The following MYL2 variants were observed in gnomAD, a reference collection of about 807,000 sequenced individuals.
MYL2 encodes myosin regulatory light chain 2, ventricular/cardiac muscle isoform.
In MYL2, 19 loss-of-function variants were observed where a neutral mutation model predicts 23.0. The observed-to-expected ratio is 0.83, with a 90% confidence interval of 0.58 to 1.21. MYL2 has a LOEUF of 1.21. Ranked by LOEUF, MYL2 falls within the 50% of genes most tolerant of loss-of-function variation. The probability of loss-of-function intolerance (pLI) is 0.00; values close to 1 mark genes in which losing one functional copy is unlikely to be tolerated. For missense variants in MYL2, 180 were observed against 215.1 expected (o/e 0.84, Z 1.02); for synonymous variants, 78 against 76.2 (o/e 1.02, Z -0.13).
At chr12:110,914,396 A>G in intron 3 of MYL2, 106 bp from the exon 4 acceptor site, 1 of 779,162 alleles carries the variant, frequency 1.3e-6, no homozygotes, top group East Asian at 2.6e-5. Flanking sequence ...TAGTCTAGAA[A>G]TCATCAGAGA....
At chr12:110,915,903 T>C in intron 2 of MYL2, 113 bp from the exon 3 acceptor site, 1 of 857,684 alleles carries the variant, frequency 1.2e-6, no homozygotes, top group Admixed American at 1.7e-5. Context: ...AAGATCATTG[T>C]AGGACCTCAG....
At chr12:110,917,546 A>G (rs1304912632) in intron 2 of MYL2, among the ~76,000 whole-genome samples, 1 of 152,172 alleles carries the variant, frequency 6.6e-6, no homozygotes. Context: ...TCCTGGCTAC[A>G]TGTTTTGAGT....
chr12:110,911,012 G>C lies in MYL2; in HGVS notation c.*65C>G. On this transcript the variant is annotated 3_prime_UTR_variant, in exon 7 of 7. Coordinates refer to ENST00000228841, the MANE Select transcript of MYL2 (RefSeq NM_000432.4). ...GGTAGGGACAGAGGCGGTACTCGGG[G>C]GAGAGAGATGAGGGCAGGGACCACT... The C allele has an allele frequency of 7.2e-7, 1 of 1,388,384 alleles. No homozygotes were observed. The highest frequency in any genetic ancestry group is 1.0e-6 in the Non-Finnish European group (1 of 974,854). The allele number at this position is 1,388,384 out of a possible 1,614,324, so 86.0% of individuals were successfully genotyped here. A position where few individuals can be genotyped will look rare whatever the true frequency, so the allele number is the denominator to read the frequency against.
Position 110,913,258 on chromosome 12 carries a change from A to G in MYL2, c.341T>C (p.Leu114Pro). The change falls in exon 5 of 7, where the codon CTG becomes CCG. Residue 114 changes from leucine (L) to proline (P), a missense_variant. Leu to Pro is a moderately conservative substitution (Grantham distance 98). Coordinates refer to ENST00000228841, the MANE Select transcript of MYL2 (RefSeq NM_000432.4). ...AGACCCCACTCACTAATCAGCCTTC[A>G]GCACCCCTTTGCCTTCAGGGTCAAA... ...KVFDPEGKGV[L>P]KADYVREMLT... 1 of 1,614,240 alleles carries G rather than the reference A, an allele frequency of 6.2e-7. No individual in the cohort carries two copies. The highest frequency in any genetic ancestry group is 8.5e-7 in the Non-Finnish European group (1 of 1,180,034).
At chr12:110,912,702 A>G (rs934583188) in intron 6 of MYL2, among the ~76,000 whole-genome samples, 1 of 152,150 alleles carries the variant, frequency 6.6e-6, no homozygotes, top group Non-Finnish European at 1.5e-5. Flanking sequence ...GTGGCTGGGA[A>G]TACAGGCGTC....
rs1009017475 is a variant in MYL2 at position 110,916,688 on chromosome 12, T to G, written c.94-898A>C. ...AGAGGGAGGAGCAGGAAGTGACTGC[T>G]AATGGGTATGGGGTTTCTTTCGGGG... On this transcript the variant is annotated intron_variant, in intron 2 of 6. Coordinates refer to ENST00000228841, the MANE Select transcript of MYL2 (RefSeq NM_000432.4). Among the ~76,000 whole-genome samples, 3 of 152,168 alleles carry G rather than the reference T, an allele frequency of 2.0e-5. No homozygotes were observed. The South Asian group carries it at 6.2e-4, about 31-fold the overall frequency.
chr12:110,919,974 C>CGGAGTTGAACTTGGGCGTTGAACTTGG (rs1205886901), intron 1 of MYL2, among the ~76,000 whole-genome samples: 2 of 152,250 alleles, frequency 1.3e-5, no homozygotes, highest in Middle Eastern at 3.4e-3. Flanking sequence ...AAGGCAGAGC[C>CGGAGTTGAACTTGGGCGTTGAACTTGG]GGAGTTGAAC....
intron 4 of MYL2, among the ~76,000 whole-genome samples, chr12:110,913,738 T>C (rs1425589774): frequency 2.0e-5 from 3 of 152,142 alleles, no homozygotes; most frequent in African/African-American, 7.2e-5. Flanking sequence ...GCAATGTTAG[T>C]TGCTGTGTTT....
intron 2 of MYL2, 85 bp downstream of exon 2, chr12:110,919,019 C>G (rs919550789): frequency 1.6e-6 from 2 of 1,281,072 alleles, no homozygotes; most frequent in African/African-American, 2.9e-5. Context: ...ATGAAAGGTC[C>G]CTGCTGGGAA....
chr12:110,914,836 A>G (rs1176158970), intron 3 of MYL2, among the ~76,000 whole-genome samples: 2 of 152,204 alleles, frequency 1.3e-5, no homozygotes, highest in African/African-American at 2.4e-5. Flanking sequence ...TATATTTAAA[A>G]TAGTGTCTTC....
upstream of MYL2, among the ~76,000 whole-genome samples, chr12:110,920,972 T>A (rs148371529): frequency 3.5e-4 from 54 of 152,334 alleles, no homozygotes; most frequent in East Asian, 0.01. Context: ...TGTCTTTCTG[T>A]CAGTCATCGC....
At position 110,918,470 on chromosome 12, in the gene MYL2, T is replaced by TG. The variant is rs199713472; in HGVS notation, c.93+633dup. Among the ~76,000 whole-genome samples, 1,840 of 152,310 alleles carry TG rather than the reference T, an allele frequency of 0.012. 14 individuals carry two copies. The highest frequency in any genetic ancestry group is 0.015 in the Non-Finnish European group (1,039 of 68,032). ...GGCATAGGAATTAGTGCTGTGATTT[T>TG]GGGGGGCAATTCGGACCAGCAGTTC... On this transcript the variant is annotated intron_variant, in intron 2 of 6. Coordinates refer to ENST00000228841, the MANE Select transcript of MYL2 (RefSeq NM_000432.4). The surrounding 1 kb of genome is among the most constrained non-coding windows in gnomAD (Gnocchi z 4.4).
At position 110,912,967 on chromosome 12, in the gene MYL2, C is replaced by T. The variant is rs3825389; in HGVS notation, c.402+129G>A. The T allele has an allele frequency of 0.077, 83,160 of 1,074,550 alleles. 3,998 individuals carry two copies. Among genetic ancestry groups the T allele is most frequent in the East Asian group, 0.22 (9,246 of 42,320 alleles). 66.6% of individuals were successfully genotyped at this position (1,074,550 alleles called of 1,614,324 possible). ...GGCAGAGAATGAAATGAGGCCAGGC[C>T]TCAGAAGACGATAGCTGGTTCTCTG... On this transcript the variant is annotated intron_variant, in intron 6 of 6. Coordinates refer to ENST00000228841, the MANE Select transcript of MYL2 (RefSeq NM_000432.4).
chr12:110,912,854 G>A (rs911207724), intron 6 of MYL2, among the ~76,000 whole-genome samples: 2 of 152,176 alleles, frequency 1.3e-5, no homozygotes, highest in South Asian at 2.1e-4. Context: ...TGTGATTATT[G>A]TTATTTTAGA....
intron 3 of MYL2, among the ~76,000 whole-genome samples, chr12:110,915,046 T>C (rs887464212): frequency 8.5e-5 from 13 of 152,204 alleles, no homozygotes; most frequent in African/African-American, 2.7e-4. Flanking sequence ...CAAGCCTAAC[T>C]TTGTGCAAAT....
chr12:110,912,220 T>C (rs996682781), intron 6 of MYL2, among the ~76,000 whole-genome samples: 1 of 152,148 alleles, frequency 6.6e-6, no homozygotes, highest in African/African-American at 2.4e-5. Context: ...GACGGCACCA[T>C]TGCTTGCTCA....
chr12:110,919,203 A>G lies in MYL2; in HGVS notation c.4-10T>C, dbSNP rs780255697. 2 of 1,611,846 alleles carry G rather than the reference A, an allele frequency of 1.2e-6. No homozygotes were observed. The highest frequency in any genetic ancestry group is 2.2e-5 in the South Asian group (2 of 90,904). On this transcript the variant is annotated splice_polypyrimidine_tract_variant and intron_variant, in intron 1 of 6. Transcript: ENST00000228841. The stretch of plus-strand genomic sequence containing the variant: ...TTGCTTTCTTAGGTGCCTGGGGGAA[A>G]AAAGCATCGATTAAAAGAGTGAGAG...
intron 6 of MYL2, among the ~76,000 whole-genome samples, chr12:110,911,389 C>T (rs754297725): frequency 2.0e-5 from 3 of 152,128 alleles, no homozygotes; most frequent in Non-Finnish European, 4.4e-5. Context: ...CCACAGCCAG[C>T]GGATGGGATT....
chr12:110,920,847 T>G, upstream of MYL2: 1 of 501,692 alleles, frequency 2.0e-6, no homozygotes, highest in Non-Finnish European at 3.6e-6. Context: ...GGGACACTTG[T>G]GCTTGTCAAT....
Sources: gnomAD v4.1 joint callset for allele counts (sites outside exome capture counted in the v4.1 genomes callset) on GRCh38, gnomAD v4.1.1 for gene constraint, Gnocchi (gnomAD v3.1) non-coding constraint, MANE v1.5 for transcripts, NCBI Gene and HGNC (gene_info 2026-07-23, HGNC 2026-07-21) for gene names.